The following ADGRB3 variants were observed in gnomAD, a reference collection of about 807,000 sequenced individuals.
ADGRB3 encodes brain-specific angiogenesis inhibitor 3.
Under a neutral mutation model 193.4 loss-of-function variants are expected in ADGRB3, and 37 were observed. That is an observed-to-expected ratio of 0.19 (90% CI 0.15 to 0.25). The LOEUF (loss-of-function observed/expected upper bound fraction) is 0.25, where lower values mean the gene tolerates loss of function less well. Among genes scored for constraint, ADGRB3 ranks in the 10% least tolerant of loss-of-function variants. The pLI, the probability that ADGRB3 is intolerant of heterozygous loss-of-function variation, is 1.00. For synonymous variants in ADGRB3, 690 were observed against 644.2 expected (o/e 1.07, Z -1.08); for missense variants, 1,637 against 1,852.9 (o/e 0.88, Z 2.14).
At chr6:68,651,260 C>A (rs1768359375) in intron 3 of ADGRB3, among the ~76,000 whole-genome samples, 1 of 152,072 alleles carries the variant, frequency 6.6e-6, no homozygotes, top group African/African-American at 2.4e-5. Context: ...ATTGCAATGG[C>A]CATTTTATTT....
At chr6:68,744,189 G>A (rs1474653502) in intron 3 of ADGRB3, among the ~76,000 whole-genome samples, 2 of 151,898 alleles carry the variant, frequency 1.3e-5, no homozygotes, top group Admixed American at 1.3e-4. Flanking sequence ...TTTACTAATT[G>A]CATTTATAAT....
At chr6:69,314,768 G>C (rs888251830) in intron 20 of ADGRB3, among the ~76,000 whole-genome samples, 4 of 151,532 alleles carry the variant, frequency 2.6e-5, no homozygotes, top group African/African-American at 9.7e-5. Context: ...TGTCATAGCA[G>C]CTGTGGAAAA....
chr6:68,884,718 G>A (rs1283939724), intron 3 of ADGRB3, among the ~76,000 whole-genome samples: 1 of 152,096 alleles, frequency 6.6e-6, no homozygotes, highest in African/African-American at 2.4e-5. Flanking sequence ...GGGAGGAGTT[G>A]TGCGCAATAC....
At chr6:68,769,725 T>G (rs1338688128) in intron 3 of ADGRB3, among the ~76,000 whole-genome samples, 1 of 152,106 alleles carries the variant, frequency 6.6e-6, no homozygotes, top group Non-Finnish European at 1.5e-5. Context: ...GATTAAAAAT[T>G]TGAGATTCTT....
intron 3 of ADGRB3, among the ~76,000 whole-genome samples, chr6:68,737,235 C>T (rs1765889886): frequency 6.6e-6 from 1 of 152,142 alleles, no homozygotes; most frequent in Non-Finnish European, 1.5e-5. Flanking sequence ...AATTGTCCCT[C>T]TGCCAGGAGC....
intron 3 of ADGRB3, among the ~76,000 whole-genome samples, chr6:68,729,595 G>C (rs1180716282): frequency 6.6e-6 from 1 of 151,462 alleles, no homozygotes; most frequent in East Asian, 2.0e-4. Context: ...AATTAAGGGC[G>C]CTAAGCCACT....
intron 17 of ADGRB3, among the ~76,000 whole-genome samples, chr6:69,200,130 T>TAAAA (rs3048267): frequency 1.3e-5 from 2 of 148,724 alleles, no homozygotes; most frequent in African/African-American, 4.9e-5. Context: ...AAGTTTTAAT[T>TAAAA]AAAAAAAAAA....
intron 26 of ADGRB3, among the ~76,000 whole-genome samples, chr6:69,346,486 C>T (rs1180868178): frequency 6.6e-6 from 1 of 152,022 alleles, no homozygotes; most frequent in Non-Finnish European, 1.5e-5. Context: ...CCAGAATCTA[C>T]AAGGAACTTA....
intron 3 of ADGRB3, among the ~76,000 whole-genome samples, chr6:68,842,574 A>AT (rs1258941192): frequency 6.6e-6 from 1 of 152,046 alleles, no homozygotes; most frequent in East Asian, 1.9e-4. Flanking sequence ...TCATTACTGC[A>AT]TTTTACAAAA....
chr6:69,296,999 T>C (rs1040385731), intron 20 of ADGRB3, among the ~76,000 whole-genome samples: 1 of 152,152 alleles, frequency 6.6e-6, no homozygotes, highest in Non-Finnish European at 1.5e-5. Flanking sequence ...GGCTTATATT[T>C]CAGTTTTGCC....
intron 3 of ADGRB3, among the ~76,000 whole-genome samples, chr6:68,803,459 A>T (rs1429845247): frequency 6.6e-6 from 1 of 152,072 alleles, no homozygotes; most frequent in Non-Finnish European, 1.5e-5. Flanking sequence ...GGAATTGCTC[A>T]ACCTCCAAAT....
At chr6:69,130,546 A>T (rs1307156685) in intron 17 of ADGRB3, among the ~76,000 whole-genome samples, 1 of 148,894 alleles carries the variant, frequency 6.7e-6, no homozygotes, top group Admixed American at 6.7e-5. Context: ...GGGCTTCCAA[A>T]TCTACTTTAG....
intron 29 of ADGRB3, among the ~76,000 whole-genome samples, chr6:69,367,343 A>C (rs1357076740): frequency 6.6e-6 from 1 of 152,132 alleles, no homozygotes; most frequent in African/African-American, 2.4e-5. Context: ...GTGTCTTTAT[A>C]GCAGCATGAT....
chr6:69,264,934 A>G (rs1431598098), intron 20 of ADGRB3, among the ~76,000 whole-genome samples: 1 of 151,918 alleles, frequency 6.6e-6, no homozygotes, highest in Non-Finnish European at 1.5e-5. Context: ...TTTATTCCCA[A>G]GAAAGATCAC....
intron 20 of ADGRB3, among the ~76,000 whole-genome samples, chr6:69,271,513 C>T (rs939264325): frequency 2.0e-5 from 3 of 152,074 alleles, no homozygotes; most frequent in Non-Finnish European, 4.4e-5. Flanking sequence ...ATTTTTTCTG[C>T]TTACAGATAA....
At chr6:68,652,244 A>C (rs540131164) in intron 3 of ADGRB3, among the ~76,000 whole-genome samples, 51 of 152,280 alleles carry the variant, frequency 3.3e-4, no homozygotes, top group Non-Finnish European at 5.3e-4. Context: ...ATCTCCTGCC[A>C]GGACTCAGTG....
chr6:69,340,464 G>C (rs1459800009), intron 26 of ADGRB3, among the ~76,000 whole-genome samples: 1 of 152,088 alleles, frequency 6.6e-6, no homozygotes, highest in Non-Finnish European at 1.5e-5. Flanking sequence ...GCATTATCTA[G>C]CTTGTTTGAG....
intron 3 of ADGRB3, among the ~76,000 whole-genome samples, chr6:68,719,274 G>T (rs1765535195): frequency 6.6e-6 from 1 of 151,670 alleles, no homozygotes; most frequent in South Asian, 2.1e-4. Flanking sequence ...CTGTATCTAT[G>T]CTGTCCAGTG....
In ADGRB3 at chr6:68,637,577, G is replaced by T. The variant is rs1004338642; in HGVS notation, c.-16+15G>T. On this transcript the variant is annotated intron_variant, in intron 2 of 31. Transcript: ENST00000370598. ...AACTTACAGAGGTAAATATAACCAAGGACTACTTTATTATCCAAAGCCAGG... is the reference window on the plus strand; with the variant it reads ...AACTTACAGAGGTAAATATAACCAATGACTACTTTATTATCCAAAGCCAGG... 2 of 152,400 alleles carry T rather than the reference G, an allele frequency of 1.3e-5. No individual in the cohort carries two copies. The highest frequency in any genetic ancestry group is 4.8e-5 in the African/African-American group (2 of 41,350). The allele number at this position is 152,400 out of a possible 1,614,324, so 9.4% of individuals were successfully genotyped here.
Sources: allele counts gnomAD v4.1 joint callset (sites outside exome capture counted in the v4.1 genomes callset), GRCh38; gene constraint gnomAD v4.1.1; transcripts MANE v1.5; gene names NCBI Gene and HGNC (gene_info 2026-07-23, HGNC 2026-07-21).